The following ARHGAP35 variants were observed in gnomAD, a reference collection of about 807,000 sequenced individuals.
ARHGAP35 encodes the protein rho GTPase-activating protein 35.
Under a neutral mutation model 111.1 loss-of-function variants are expected in ARHGAP35, and 15 were observed. The observed-to-expected ratio is 0.13, with a 90% CI of 0.09 to 0.21. The LOEUF (loss-of-function observed/expected upper bound fraction) is 0.21, where lower values mean the gene tolerates loss of function less well. Ranked by LOEUF, ARHGAP35 falls within the 10% of genes least tolerant of loss-of-function variation. The pLI, the probability that ARHGAP35 is intolerant of heterozygous loss-of-function variation, is 1.00. For missense variants in ARHGAP35, 1,262 were observed against 1,873.0 expected (o/e 0.67, Z 6.02); for synonymous variants, 643 against 710.3 (o/e 0.91, Z 1.51).
intron 1 of ARHGAP35, among the ~76,000 whole-genome samples, chr19:46,861,569 C>T (rs540718002): frequency 2.6e-5 from 4 of 151,762 alleles, no homozygotes; most frequent in African/African-American, 9.7e-5. Flanking sequence ...TTCCACCCCT[C>T]CATAATGCCC....
intron 2 of ARHGAP35, among the ~76,000 whole-genome samples, chr19:46,928,416 G>C (rs889391354): frequency 3.9e-5 from 6 of 152,122 alleles, no homozygotes; most frequent in African/African-American, 1.4e-4. Flanking sequence ...CTTCCAAATG[G>C]ATTTTCTACA....
At chr19:46,882,563 C>T (rs1308238554) in intron 1 of ARHGAP35, among the ~76,000 whole-genome samples, 1 of 152,108 alleles carries the variant, frequency 6.6e-6, no homozygotes, top group African/African-American at 2.4e-5. Context: ...ATACATGTGC[C>T]ATTGATGGTT....
chr19:46,921,206 T>C lies in ARHGAP35; in HGVS notation c.2531T>C (p.Phe844Ser), dbSNP rs765848742. The C allele has an allele frequency of 1.2e-6, 2 of 1,614,074 alleles. No homozygotes were observed. Among genetic ancestry groups the C allele is most frequent in the Admixed American group, 1.7e-5 (1 of 60,028 alleles). The change falls in exon 2 of 7, where the codon TTT becomes TCT. Residue 844 changes from phenylalanine (F) to serine (S), a missense_variant. Phe to Ser is a radical substitution (Grantham distance 155, BLOSUM62 -2). Coordinates refer to ENST00000672722, the MANE Select transcript of ARHGAP35 (RefSeq NM_004491.5). The surrounding 1 kb of genome is among the most constrained non-coding windows in gnomAD (Gnocchi z 4.3). ...ELSVLSYHSS[F>S]SIRKSRLVHG... ...TCTGTTCTTTCATACCATTCCTCCT[T>C]TAGCATCAGAAAGAGCCGGTTGGTT...
chr19:46,972,112 C>T (rs549660775), intron 3 of ARHGAP35, among the ~76,000 whole-genome samples: 1 of 152,188 alleles, frequency 6.6e-6, no homozygotes, highest in Non-Finnish European at 1.5e-5. Context: ...CGGGTTCAAG[C>T]GATCCCCCAC....
rs777545082 is a variant in ARHGAP35, at chr19:47,000,524, G to T, written c.4336G>T (p.Gly1446Cys). The change falls in exon 7 of 7, where the codon GGC becomes TGC. Residue 1446 changes from glycine to cysteine, a missense_variant. Gly to Cys is a radical substitution (Grantham distance 159). Coordinates refer to ENST00000672722, the MANE Select transcript of ARHGAP35 (RefSeq NM_004491.5). This position sits in a 1 kb window ranked among gnomAD's most constrained non-coding sequence, Gnocchi z 6.9. ...CAATCGGCCCATCACCGAGCCCCCCGGCGCCAGGCCCAGCTCCCCCTCTGC... is the reference window on the plus strand; with the variant it reads ...CAATCGGCCCATCACCGAGCCCCCCTGCGCCAGGCCCAGCTCCCCCTCTGC... ...FYNRPITEPP[G>C]ARPSSPSAVA... 6.2e-6 allele frequency: 10 copies of T among 1,612,202 alleles called. No individual in the cohort carries two copies. The highest frequency in any genetic ancestry group is 8.5e-6 in the Non-Finnish European group (10 of 1,179,486).
chr19:46,998,920 G>A lies in ARHGAP35; in HGVS notation c.4037-384G>A, dbSNP rs143216372. 3.9e-5 allele frequency among the ~76,000 whole-genome samples: 6 copies of A among 152,366 alleles called. No homozygotes were observed. The East Asian group carries it at 7.7e-4, about 20-fold the overall frequency. On this transcript the variant is annotated intron_variant, in intron 5 of 6. Transcript: ENST00000672722. ...TTGGCGTGGGTGGGTGGCAGCGGCC[G>A]CCCGTCTCCATCTGGTCAGGAAGCA...
At chr19:46,998,028 G>A (rs1437966369) in intron 5 of ARHGAP35, among the ~76,000 whole-genome samples, 1 of 152,144 alleles carries the variant, frequency 6.6e-6, no homozygotes, top group Non-Finnish European at 1.5e-5. Flanking sequence ...TGTGAACTCA[G>A]GAGGCGGAGC....
intron 1 of ARHGAP35, among the ~76,000 whole-genome samples, chr19:46,894,741 C>A (rs1423743833): frequency 1.3e-5 from 2 of 152,062 alleles, no homozygotes; most frequent in East Asian, 1.9e-4. Context: ...CCACCACGCC[C>A]GGCCATACTT....
intron 3 of ARHGAP35, 64 bp from the exon 4 acceptor site, chr19:46,987,925 C>A: frequency 6.5e-7 from 1 of 1,530,460 alleles, no homozygotes; most frequent in Non-Finnish European, 9.0e-7. Flanking sequence ...TGTCTTCGAG[C>A]CCAGCCCTCC....
chr19:46,990,495 C>T (rs529776514), intron 5 of ARHGAP35, among the ~76,000 whole-genome samples: 7 of 152,232 alleles, frequency 4.6e-5, no homozygotes, highest in Non-Finnish European at 1.0e-4. Flanking sequence ...CAGGCCAAGA[C>T]CCAGCAGCAG....
intron 1 of ARHGAP35, among the ~76,000 whole-genome samples, chr19:46,881,279 G>A (rs895068295): frequency 2.6e-5 from 4 of 152,164 alleles, no homozygotes; most frequent in African/African-American, 9.7e-5. Flanking sequence ...ATCTAGAATG[G>A]TGAATCCTTT....
rs773854242 is a variant in ARHGAP35, at chr19:46,919,023, T to C, written c.348T>C (p.Tyr116=). ...ATCGAAGCACGGCCCTGCAGCCCTA[T>C]ATCAAGAGAGCTGCTGCGACCAAGC... ...QPHRSTALQP[Y]IKRAAATKLA... The change falls in exon 2 of 7, where the codon TAT becomes TAC. Residue 116 remains tyrosine, a synonymous_variant. Coordinates refer to ENST00000672722, the MANE Select transcript of ARHGAP35 (RefSeq NM_004491.5). This position sits in a 1 kb window ranked among gnomAD's most constrained non-coding sequence, Gnocchi z 6.2. 1.1e-5 allele frequency: 17 copies of C among 1,614,002 alleles called. No individual in the cohort carries two copies. In the South Asian group the frequency reaches 1.8e-4, roughly 17 times the overall value.
intron 3 of ARHGAP35, among the ~76,000 whole-genome samples, chr19:46,966,366 T>C (rs1039971276): frequency 4.6e-5 from 7 of 152,092 alleles, no homozygotes; most frequent in Non-Finnish European, 8.8e-5. Flanking sequence ...CCCAGCAACA[T>C]ATCGAGACTC....
Position 46,988,126 on chromosome 19 carries a change from C to T in ARHGAP35, c.3904+60C>T. The stretch of plus-strand genomic sequence containing the variant: ...AGCTGGTCAAGGCAGACACAGCTGC[C>T]TCGGTGAACTGTCTGTGGGGCTTCG... On this transcript the variant is annotated intron_variant, in intron 4 of 6. Coordinates refer to ENST00000672722, the MANE Select transcript of ARHGAP35 (RefSeq NM_004491.5). This position sits in a 1 kb window ranked among gnomAD's most constrained non-coding sequence, Gnocchi z 5.4. 6.6e-7 allele frequency: 1 copy of T among 1,512,590 alleles called. No homozygotes were observed. Among genetic ancestry groups the T allele is most frequent in the African/African-American group, 1.4e-5 (1 of 72,978 alleles). 93.7% of individuals were successfully genotyped at this position (1,512,590 alleles called of 1,614,324 possible). A position where few individuals can be genotyped will look rare whatever the true frequency, so the allele number is the denominator to read the frequency against.
chr19:46,971,668 T>G (rs1231701330), intron 3 of ARHGAP35, among the ~76,000 whole-genome samples: 2 of 151,396 alleles, frequency 1.3e-5, no homozygotes, highest in East Asian at 4.0e-4. Flanking sequence ...CCTGGCTAAT[T>G]TTTGTATTTT....
rs529371058 is a variant in ARHGAP35 at position 46,993,015 on chromosome 19, C to T, written c.4036+3340C>T. On this transcript the variant is annotated intron_variant, in intron 5 of 6. Transcript: ENST00000672722. The surrounding 1 kb of genome is among the most constrained non-coding windows in gnomAD (Gnocchi z 4.6). Reference sequence around the variant, plus strand: ...CGGGGGTGCTTCTCACACCCACGTACGGGGTCATTAATTTCACAGCTAGCC... The same window carrying T: ...CGGGGGTGCTTCTCACACCCACGTATGGGGTCATTAATTTCACAGCTAGCC... 4.0e-4 allele frequency among the ~76,000 whole-genome samples: 61 copies of T among 152,294 alleles called. No homozygotes were observed. Among genetic ancestry groups the T allele is most frequent in the Non-Finnish European group, 6.9e-4 (47 of 68,026 alleles).
intron 2 of ARHGAP35, among the ~76,000 whole-genome samples, chr19:46,930,016 G>T (rs879936686): frequency 2.0e-5 from 3 of 151,984 alleles, no homozygotes; most frequent in Non-Finnish European, 4.4e-5. Context: ...TCCCATCTGG[G>T]CTTCCCAAAG....
chr19:46,981,162 C>G (rs937498766), intron 3 of ARHGAP35, among the ~76,000 whole-genome samples: 1 of 152,212 alleles, frequency 6.6e-6, no homozygotes, highest in Non-Finnish European at 1.5e-5. Context: ...CAAAGAGTTT[C>G]CTTCTCTCCC....
In ARHGAP35 at chr19:46,894,967, C is replaced by A. The variant is rs150845826; in HGVS notation, c.-188-23521C>A. On this transcript the variant is annotated intron_variant, in intron 1 of 6. Transcript: ENST00000672722. ...ACTTATCATCATCCTTATAGGAGGG[C>A]CAGACCCTTAGGATTTATGTGAATA... 4.7e-3 allele frequency among the ~76,000 whole-genome samples: 715 copies of A among 152,202 alleles called. 9 individuals carry two copies. The highest frequency in any genetic ancestry group is 0.017 in the African/African-American group (704 of 41,506).
Sources: gnomAD v4.1 joint callset for allele counts (sites outside exome capture counted in the v4.1 genomes callset) on GRCh38, gnomAD v4.1.1 for gene constraint, Gnocchi (gnomAD v3.1) non-coding constraint, MANE v1.5 for transcripts, NCBI Gene and HGNC (gene_info 2026-07-23, HGNC 2026-07-21) for gene names.